The following SPIRE2 variants were observed in gnomAD, a reference collection of about 807,000 sequenced individuals.
SPIRE2 encodes the protein spire type actin nucleation factor 2.
A neutral mutation model predicts 80.7 loss-of-function variants in SPIRE2; 76 were observed. That is an observed-to-expected ratio of 0.94 (90% CI 0.78 to 1.14). The LOEUF (loss-of-function observed/expected upper bound fraction) is 1.14. SPIRE2 is among the 50% of genes most tolerant of loss of function. The pLI, the probability that SPIRE2 is intolerant of heterozygous loss-of-function variation, is 0.00. For synonymous variants in SPIRE2, 535 were observed against 432.6 expected, an observed-to-expected ratio of 1.24 and a Z score of -2.94; for missense variants, 1,196 against 1,015.3, an observed-to-expected ratio of 1.18 and a Z score of -2.42.
rs745895575 is a variant in SPIRE2 at position 89,863,850 on chromosome 16, C to A, written c.1767C>A (p.Leu589=). ...TGTTCTCGTGGCCGCCCAGCTGTCT[C>A]TTCTGCAAGAGGTGAGCCTTCCCTT... is the stretch of plus-strand genomic sequence containing the variant. ...FPLFSWPPSC[L]FCKRAVCTSC... is the part of the protein sequence containing the mutation. The change falls in exon 12 of 15, where the codon CTC becomes CTA. Residue 589 remains leucine, a synonymous_variant. Transcript: ENST00000378247. This position sits in a 1 kb window ranked among gnomAD's most constrained non-coding sequence, Gnocchi z 4.3. The A allele has an allele frequency of 2.5e-6, 4 of 1,613,526 alleles. No homozygotes were observed. The highest frequency in any genetic ancestry group is 3.4e-6 in the Non-Finnish European group (4 of 1,179,740).
chr16:89,845,841 A>C (rs914706466), intron 2 of SPIRE2: 6 of 535,950 alleles, frequency 1.1e-5, no homozygotes, highest in African/African-American at 2.0e-5. Context: ...TCATGTTTCC[A>C]CTTTCTACTG....
At chr16:89,849,248 C>T (rs1035347870) in intron 2 of SPIRE2, among the ~76,000 whole-genome samples, 6 of 152,210 alleles carry the variant, frequency 3.9e-5, no homozygotes, top group Admixed American at 1.3e-4. Flanking sequence ...CACACCATGG[C>T]CCCCCACCCT....
At chr16:89,866,991 C>T (rs1320187119) in intron 12 of SPIRE2, among the ~76,000 whole-genome samples, 2 of 152,148 alleles carry the variant, frequency 1.3e-5, no homozygotes, top group African/African-American at 4.8e-5. Flanking sequence ...TAAAACTGAG[C>T]ATCTCAGTTG....
At position 89,870,547 on chromosome 16, in the gene SPIRE2, A is replaced by G; in HGVS notation, c.*275A>G. On this transcript the variant is annotated 3_prime_UTR_variant, in exon 15 of 15. Coordinates refer to ENST00000378247, the MANE Select transcript of SPIRE2 (RefSeq NM_032451.2). Reference sequence around the variant, plus strand: ...GTGGGTTTTCTCACTGAAGAGAGAAAGCAGAAGGTTCTAGATCCTGGCACA... The same window carrying G: ...GTGGGTTTTCTCACTGAAGAGAGAAGGCAGAAGGTTCTAGATCCTGGCACA... 7.9e-6 allele frequency: 3 copies of G among 381,904 alleles called. No homozygotes were observed. The highest frequency in any genetic ancestry group is 4.8e-6 in the Non-Finnish European group (1 of 207,268). 23.7% of individuals were successfully genotyped at this position (381,904 alleles called of 1,614,324 possible). A position where few individuals can be genotyped will look rare whatever the true frequency, so the allele number is the denominator to read the frequency against.
chr16:89,863,376 G>C lies in SPIRE2; in HGVS notation c.1576-100G>C. The C allele has an allele frequency of 7.1e-7, 1 of 1,399,722 alleles. No homozygotes were observed. Among genetic ancestry groups the C allele is most frequent in the Non-Finnish European group, 9.8e-7 (1 of 1,019,420 alleles). The allele number at this position is 1,399,722 out of a possible 1,614,324, so 86.7% of individuals were successfully genotyped here. Reference sequence around the variant, plus strand: ...CAGCGTTTTAGAAGGTCGCAGGCTTGTTTAGGCTGAGGCCAGGGAGGGTTA... The same window carrying C: ...CAGCGTTTTAGAAGGTCGCAGGCTTCTTTAGGCTGAGGCCAGGGAGGGTTA... On this transcript the variant is annotated intron_variant, in intron 10 of 14. Transcript: ENST00000378247. This position sits in a 1 kb window ranked among gnomAD's most constrained non-coding sequence, Gnocchi z 4.3.
At chr16:89,829,465 T>C (rs2041358718) in intron 1 of SPIRE2, among the ~76,000 whole-genome samples, 1 of 152,216 alleles carries the variant, frequency 6.6e-6, no homozygotes, top group Admixed American at 6.5e-5. Context: ...AGAGCTGGAG[T>C]GCTGGCTTGG....
rs1415901987 is a variant in SPIRE2 at position 89,869,670 on chromosome 16, G to A, written c.1910G>A (p.Arg637Lys). 2.5e-6 allele frequency: 4 copies of A among 1,613,648 alleles called. No individual in the cohort carries two copies. Among genetic ancestry groups the A allele is most frequent in the Non-Finnish European group, 3.4e-6 (4 of 1,179,664 alleles). The change falls in exon 14 of 15, where the codon AGA becomes AAA. Residue 637 changes from arginine (R) to lysine (K), a missense_variant. Coordinates refer to ENST00000378247, the MANE Select transcript of SPIRE2 (RefSeq NM_032451.2). ...SAAKTAPIQR[R>K]DIFQSLQGPQ... ...GCCAAAACCGCGCCAATCCAGAGAA[G>A]AGACATCTTTCAGTGCGTTCTTCGC...
intron 1 of SPIRE2, among the ~76,000 whole-genome samples, chr16:89,831,488 A>G (rs7198386): frequency 1.4e-5 from 2 of 146,010 alleles, no homozygotes; most frequent in African/African-American, 5.0e-5. Context: ...AGCTTCGCCT[A>G]CTGGGTTCAC....
rs536271429 is a variant in SPIRE2, at chr16:89,843,859, C to T, written c.245-1463C>T. On this transcript the variant is annotated intron_variant, in intron 1 of 14. Coordinates refer to ENST00000378247, the MANE Select transcript of SPIRE2 (RefSeq NM_032451.2). ...GGACTACATATATGCACTACCATGC[C>T]CAGCTATTTTTATGTATTTTTTGGA... 4.6e-4 allele frequency among the ~76,000 whole-genome samples: 65 copies of T among 142,708 alleles called. No homozygotes were observed. In the South Asian group the frequency reaches 0.013, roughly 28 times the overall value. 93.6% of individuals were successfully genotyped at this position (142,708 alleles called of 152,430 possible). A position where few individuals can be genotyped will look rare whatever the true frequency, so the allele number is the denominator to read the frequency against.
At position 89,854,576 on chromosome 16, in the gene SPIRE2, C is replaced by G. The variant is rs760462525; in HGVS notation, c.816C>G (p.Thr272=). The G allele has an allele frequency of 6.2e-7, 1 of 1,612,676 alleles. No individual in the cohort carries two copies. Among genetic ancestry groups the G allele is most frequent in the Non-Finnish European group, 8.5e-7 (1 of 1,179,966 alleles). ...AGCAGGAGTTCAACCCCCTCCCCAC[C>G]GAGTTCCAGCTCACGCCCTTCGAGA... ...VQEQEFNPLP[T]EFQLTPFEML... The change falls in exon 5 of 15, where the codon ACC becomes ACG. Residue 272 remains threonine, a synonymous_variant. Transcript: ENST00000378247.
intron 3 of SPIRE2, among the ~76,000 whole-genome samples, chr16:89,852,613 C>A (rs1229072615): frequency 1.7e-5 from 1 of 59,606 alleles, no homozygotes; most frequent in Non-Finnish European, 3.4e-5. Flanking sequence ...CTCCACCCCC[C>A]AGATCCCCTG....
intron 12 of SPIRE2, among the ~76,000 whole-genome samples, chr16:89,867,884 C>T (rs1205108107): frequency 1.3e-5 from 2 of 152,160 alleles, no homozygotes; most frequent in East Asian, 3.8e-4. Context: ...CACATCTGGC[C>T]CACCACCACT....
chr16:89,854,526 G>A lies in SPIRE2; in HGVS notation c.766G>A (p.Gly256Arg), dbSNP rs758520788. The change falls in exon 5 of 15, where the codon GGA becomes AGA. Residue 256 changes from glycine (G) to arginine (R), a missense_variant. Transcript: ENST00000378247. ...WVQLMRELRRGVKLKKVQEQE... is the reference protein window; with the variant it reads ...WVQLMRELRRRVKLKKVQEQE... Reference sequence around the variant, plus strand: ...TCAGCTCATGCGGGAGCTCCGCCGCGGAGTGAAGCTGAAGAAGGTGCAAGA... The same window carrying A: ...TCAGCTCATGCGGGAGCTCCGCCGCAGAGTGAAGCTGAAGAAGGTGCAAGA... The A allele has an allele frequency of 8.7e-6, 14 of 1,612,718 alleles. No homozygotes were observed. The highest frequency in any genetic ancestry group is 6.6e-5 in the South Asian group (6 of 91,090).
intron 3 of SPIRE2, among the ~76,000 whole-genome samples, chr16:89,851,665 G>A (rs1450403816): frequency 1.3e-5 from 2 of 152,282 alleles, no homozygotes; most frequent in East Asian, 3.9e-4. Flanking sequence ...CCTGGGCACG[G>A]CTGCTGCCCC....
rs530512860 is a variant in SPIRE2, at chr16:89,833,836, C to T, written c.244+5042C>T. Among the ~76,000 whole-genome samples the T allele has an allele frequency of 2.0e-5, 3 of 152,290 alleles. No homozygotes were observed. The East Asian group carries it at 5.8e-4, about 29-fold the overall frequency. On this transcript the variant is annotated intron_variant, in intron 1 of 14. Transcript: ENST00000378247. Reference sequence around the variant, plus strand: ...AGGTGCACCCGGTGGGGGCTGGGAGCTCCTCCGGGGCGTGTTTCCCTGTGA... The same window carrying T: ...AGGTGCACCCGGTGGGGGCTGGGAGTTCCTCCGGGGCGTGTTTCCCTGTGA...
rs1331520655 is a variant in SPIRE2 at position 89,863,829 on chromosome 16, C to G, written c.1746C>G (p.Phe582Leu). Residue 582 changes from phenylalanine (F) to leucine (L), a missense_variant, in exon 12 of 15, where the codon TTC becomes TTG. Coordinates refer to ENST00000378247, the MANE Select transcript of SPIRE2 (RefSeq NM_032451.2). The surrounding 1 kb of genome is among the most constrained non-coding windows in gnomAD (Gnocchi z 4.3). Reference protein sequence around the residue: ...CCCCRAKFPLFSWPPSCLFCK... With the variant: ...CCCCRAKFPLLSWPPSCLFCK... ...GCTGCCGGGCCAAGTTCCCGCTGTT[C>G]TCGTGGCCGCCCAGCTGTCTCTTCT... 1.3e-5 allele frequency: 21 copies of G among 1,613,940 alleles called. No individual in the cohort carries two copies. Among genetic ancestry groups the G allele is most frequent in the Non-Finnish European group, 1.5e-5 (18 of 1,179,974 alleles).
At position 89,850,693 on chromosome 16, in the gene SPIRE2, C is replaced by T. The variant is rs78241853; in HGVS notation, c.645+33C>T. On this transcript the variant is annotated intron_variant, in intron 3 of 14. Coordinates refer to ENST00000378247, the MANE Select transcript of SPIRE2 (RefSeq NM_032451.2). ...GTGGGTGGGGGCGACCGTGGAGGGT[C>T]CGGGAGGCCAGGGAGGGGAGCAGTG... 387 of 1,394,022 alleles carry T rather than the reference C, an allele frequency of 2.8e-4. 3 individuals are homozygous for T. In the African/African-American group the frequency reaches 5.0e-3, roughly 18 times the overall value. The allele number at this position is 1,394,022 out of a possible 1,614,324, so 86.4% of individuals were successfully genotyped here.
chr16:89,871,086 G>GA lies in SPIRE2; in HGVS notation c.*825dup, dbSNP rs34541989. 0.064 allele frequency: 9,305 copies of GA among 145,186 alleles called. 476 individuals carry two copies. Among genetic ancestry groups the GA allele is most frequent in the East Asian group, 0.26 (1,281 of 4,992 alleles). 9.0% of individuals were successfully genotyped at this position (145,186 alleles called of 1,614,324 possible). A position where few individuals can be genotyped will look rare whatever the true frequency, so the allele number is the denominator to read the frequency against. Reference sequence around the variant, plus strand: ...GGGCGACAGAGCGAGACTCTGTCTCGAAAAAAAAAAAGGTCCGTGCCAAGC... The same window carrying GA: ...GGGCGACAGAGCGAGACTCTGTCTCGAAAAAAAAAAAAGGTCCGTGCCAAGC... On this transcript the variant is annotated 3_prime_UTR_variant, in exon 15 of 15. Coordinates refer to ENST00000378247, the MANE Select transcript of SPIRE2 (RefSeq NM_032451.2).
chr16:89,829,053 C>A (rs1258136239), intron 1 of SPIRE2, among the ~76,000 whole-genome samples: 1 of 152,234 alleles, frequency 6.6e-6, no homozygotes, highest in Non-Finnish European at 1.5e-5. Flanking sequence ...TGACGCCTCT[C>A]CCAGCGCGGA....
Sources: gnomAD v4.1 joint callset for allele counts (sites outside exome capture counted in the v4.1 genomes callset) on GRCh38, gnomAD v4.1.1 for gene constraint, Gnocchi (gnomAD v3.1) non-coding constraint, MANE v1.5 for transcripts, NCBI Gene and HGNC (gene_info 2026-07-23, HGNC 2026-07-21) for gene names.